Variants in KALRN observed in about 807,000 individuals in gnomAD.
The protein encoded by KALRN is kalirin RhoGEF kinase.
In KALRN, 70 loss-of-function variants were observed where a neutral mutation model predicts 353.7. The ratio of observed to expected loss-of-function variants is 0.20; its 90% confidence interval spans 0.16 to 0.24. KALRN has a LOEUF of 0.24. Among genes scored for constraint, KALRN ranks in the 10% least tolerant of loss-of-function variants. The pLI is 1.00. For synonymous variants in KALRN, 1,391 were observed against 1,434.8 expected, an observed-to-expected ratio of 0.97 and a Z score of 0.69; for missense variants, 2,791 against 3,756.7, an observed-to-expected ratio of 0.74 and a Z score of 6.72.
chr3:124,693,856 G>T, intron 52 of KALRN, 25 bp downstream of exon 52: 2 of 1,519,640 alleles, frequency 1.3e-6, no homozygotes, highest in Non-Finnish European at 9.0e-7. Flanking sequence ...ATTAGAATTG[G>T]AAACATGGGG....
chr3:124,257,034 A>C (rs896475499), intron 3 of KALRN, among the ~76,000 whole-genome samples: 1 of 152,214 alleles, frequency 6.6e-6, no homozygotes. Flanking sequence ...TTCCAAGCCT[A>C]TTCTTGCAAT....
intron 33 of KALRN, among the ~76,000 whole-genome samples, chr3:124,517,042 G>A (rs370116264): frequency 9.2e-5 from 14 of 152,130 alleles, no homozygotes; most frequent in East Asian, 5.8e-4. Flanking sequence ...AGTCTCGAAC[G>A]CCTGATCTCG....
intron 28 of KALRN, among the ~76,000 whole-genome samples, chr3:124,485,210 G>A (rs1191243200): frequency 6.6e-6 from 1 of 152,204 alleles, no homozygotes; most frequent in Non-Finnish European, 1.5e-5. Flanking sequence ...GGTTGTTCAG[G>A]AATTGGTGGG....
intron 45 of KALRN, among the ~76,000 whole-genome samples, chr3:124,663,402 G>A (rs1171766474): frequency 1.3e-5 from 2 of 152,176 alleles, no homozygotes; most frequent in African/African-American, 4.8e-5. Context: ...CTTCAACATA[G>A]GAATTGATGG....
chr3:124,227,945 G>C, intron 1 of KALRN, 45 bp from the exon 2 acceptor site: 2 of 1,508,104 alleles, frequency 1.3e-6, no homozygotes, highest in Non-Finnish European at 1.8e-6. Context: ...GATTCAGCCA[G>C]CTGGCTCCTC....
At chr3:124,476,903 T>C (rs1395676181) in intron 26 of KALRN, among the ~76,000 whole-genome samples, 1 of 152,236 alleles carries the variant, frequency 6.6e-6, no homozygotes, top group Non-Finnish European at 1.5e-5. Context: ...GGGAGCACAA[T>C]TGTAGATAAT....
chr3:124,140,581 C>T (rs1224714843), intron 1 of KALRN, among the ~76,000 whole-genome samples: 1 of 152,208 alleles, frequency 6.6e-6, no homozygotes, highest in Non-Finnish European at 1.5e-5. Flanking sequence ...CTGTGATTCC[C>T]TGCCCATGGC....
At chr3:124,531,405 C>T (rs528794875) in intron 33 of KALRN, among the ~76,000 whole-genome samples, 1 of 152,328 alleles carries the variant, frequency 6.6e-6, no homozygotes, top group African/African-American at 2.4e-5. Flanking sequence ...CCAATTTACA[C>T]CTTGAAGTAG....
intron 57 of KALRN, among the ~76,000 whole-genome samples, chr3:124,705,418 T>C (rs2062555177): frequency 6.6e-6 from 1 of 152,110 alleles, no homozygotes; most frequent in African/African-American, 2.4e-5. Context: ...GAAAAACAGA[T>C]GAAAGAATGA....
At chr3:124,548,486 T>TC (rs1199741109) in intron 33 of KALRN, among the ~76,000 whole-genome samples, 1 of 152,170 alleles carries the variant, frequency 6.6e-6, no homozygotes, top group Non-Finnish European at 1.5e-5. Flanking sequence ...GGCAAAACTG[T>TC]CCAATTCTTC....
intron 20 of KALRN, 72 bp downstream of exon 20, chr3:124,446,348 C>T: frequency 1.8e-6 from 2 of 1,113,636 alleles, no homozygotes; most frequent in Non-Finnish European, 2.6e-6. Flanking sequence ...AAGGCTTAGT[C>T]CAGAAGAGGG....
intron 1 of KALRN, among the ~76,000 whole-genome samples, chr3:124,047,926 C>T (rs1278187214): frequency 6.6e-6 from 1 of 151,952 alleles, no homozygotes; most frequent in African/African-American, 2.4e-5. Flanking sequence ...ATTCTATCAC[C>T]CAGAGAGAAC....
intron 1 of KALRN, among the ~76,000 whole-genome samples, chr3:124,193,153 C>A (rs1367986759): frequency 6.6e-6 from 1 of 152,102 alleles, no homozygotes; most frequent in Non-Finnish European, 1.5e-5. Context: ...GGGTGCCAAC[C>A]CCTGTAGACT....
intron 9 of KALRN, among the ~76,000 whole-genome samples, chr3:124,337,678 C>T (rs1041061079): frequency 2.6e-5 from 4 of 152,266 alleles, no homozygotes; most frequent in Non-Finnish European, 1.5e-5. Flanking sequence ...AGGGAGGAGT[C>T]CCTCTTCTTC....
chr3:124,114,082 G>T (rs2063239383), intron 1 of KALRN, among the ~76,000 whole-genome samples: 1 of 152,214 alleles, frequency 6.6e-6, no homozygotes, highest in Non-Finnish European at 1.5e-5. Context: ...GCAGCCTTTT[G>T]TCACCACCTC....
chr3:124,424,250 T>C (rs2092918286), intron 15 of KALRN, among the ~76,000 whole-genome samples: 1 of 152,130 alleles, frequency 6.6e-6, no homozygotes, highest in Admixed American at 6.5e-5. Flanking sequence ...AAACCATCTT[T>C]CTTTTAAACA....
At chr3:124,084,923 C>T (rs2060727731) in intron 1 of KALRN, among the ~76,000 whole-genome samples, 1 of 152,200 alleles carries the variant, frequency 6.6e-6, no homozygotes, top group South Asian at 2.1e-4. Flanking sequence ...TTTGGAGCCA[C>T]AGCTCCACCT....
intron 33 of KALRN, among the ~76,000 whole-genome samples, chr3:124,562,481 A>G (rs1298352333): frequency 6.6e-6 from 1 of 152,152 alleles, no homozygotes; most frequent in Non-Finnish European, 1.5e-5. Context: ...AAGGGGTTTA[A>G]CGGCACAATT....
At chr3:124,267,609 G>A (rs1046296957) in intron 4 of KALRN, among the ~76,000 whole-genome samples, 3 of 152,216 alleles carry the variant, frequency 2.0e-5, no homozygotes, top group Non-Finnish European at 2.9e-5. Flanking sequence ...ATTCTAATGA[G>A]CAGTCAAGTT....
Sources: allele counts gnomAD v4.1 joint callset (sites outside exome capture counted in the v4.1 genomes callset), GRCh38; gene constraint gnomAD v4.1.1; transcripts MANE v1.5; gene names NCBI Gene and HGNC (gene_info 2026-07-23, HGNC 2026-07-21).